GABRB2: variants seen among roughly 807,000 people sequenced by gnomAD.
GABRB2 encodes gamma-aminobutyric acid type A receptor subunit beta2.
In GABRB2, 16 loss-of-function variants were observed where a neutral mutation model predicts 54.7. The ratio of observed to expected loss-of-function variants is 0.29; its 90% CI spans 0.20 to 0.44. GABRB2 has a LOEUF of 0.44. Among genes scored for constraint, GABRB2 ranks in the 20% least tolerant of loss-of-function variants. GABRB2 has a pLI of 1.00. For missense variants in GABRB2, 355 were observed against 644.0 expected, an observed-to-expected ratio of 0.55 and a Z score of 4.86; for synonymous variants, 244 against 233.8, an observed-to-expected ratio of 1.04 and a Z score of -0.40.
chr5:161,530,458 G>A (rs1760419742), intron 3 of GABRB2, among the ~76,000 whole-genome samples: 1 of 151,980 alleles, frequency 6.6e-6, no homozygotes, highest in Non-Finnish European at 1.5e-5. Flanking sequence ...TGGTCTCTTA[G>A]GAAATGTACA....
chr5:161,352,464 A>T (rs1179743470), intron 5 of GABRB2, among the ~76,000 whole-genome samples: 1 of 152,032 alleles, frequency 6.6e-6, no homozygotes, highest in Non-Finnish European at 1.5e-5. Flanking sequence ...ACAGAAAGAC[A>T]AATATTGCAT....
At chr5:161,518,055 G>A (rs1372141038) in intron 3 of GABRB2, among the ~76,000 whole-genome samples, 6 of 152,062 alleles carry the variant, frequency 3.9e-5, no homozygotes, top group African/African-American at 7.2e-5. Flanking sequence ...TGATCGGCCC[G>A]CCCCAGCCTC....
In GABRB2 at chr5:161,515,611, C is replaced by T. The variant is rs375762933; in HGVS notation, c.237+29616G>A. ...CACTGAATTTTAATTACCATGCAAA[C>T]GTATTATCTAAGCTTGTTAGAGTTA... On this transcript the variant is annotated intron_variant, in intron 3 of 9. Transcript: ENST00000393959. Among the ~76,000 whole-genome samples the T allele has an allele frequency of 1.5e-3, 228 of 152,088 alleles. 5 individuals are homozygous for T. In the South Asian group the frequency reaches 0.039, roughly 26 times the overall value.
chr5:161,386,321 T>A, intron 5 of GABRB2, among the ~76,000 whole-genome samples: 1 of 152,072 alleles, frequency 6.6e-6, no homozygotes, highest in Non-Finnish European at 1.5e-5. Context: ...ATCTCCACAG[T>A]AAAGACAGTC....
chr5:161,537,450 A>G (rs1214345192), intron 3 of GABRB2, among the ~76,000 whole-genome samples: 1 of 152,056 alleles, frequency 6.6e-6, no homozygotes, highest in Non-Finnish European at 1.5e-5. Flanking sequence ...ATCTGCCCAC[A>G]TGCCTCATCC....
At chr5:161,529,838 C>T (rs1045537420) in intron 3 of GABRB2, among the ~76,000 whole-genome samples, 4 of 151,864 alleles carry the variant, frequency 2.6e-5, no homozygotes, top group East Asian at 1.9e-4. Flanking sequence ...ATTTGTATTC[C>T]GTATTATTTA....
chr5:161,520,108 A>C (rs1006755621), intron 3 of GABRB2, among the ~76,000 whole-genome samples: 2 of 152,142 alleles, frequency 1.3e-5, no homozygotes, highest in African/African-American at 4.8e-5. Context: ...TAAGGACATT[A>C]AAGATAGGAG....
intron 3 of GABRB2, among the ~76,000 whole-genome samples, chr5:161,491,129 CTG>C (rs1317327982): frequency 1.3e-5 from 2 of 151,742 alleles, no homozygotes; most frequent in East Asian, 3.9e-4. Context: ...AATGACATAA[CTG>C]TGGGTCTTGT....
chr5:161,463,915 T>C (rs1361345790), intron 3 of GABRB2, among the ~76,000 whole-genome samples: 2 of 151,848 alleles, frequency 1.3e-5, no homozygotes, highest in Admixed American at 1.3e-4. Context: ...ATTAAAAAAT[T>C]TGACCCATAC....
intron 3 of GABRB2, among the ~76,000 whole-genome samples, chr5:161,464,800 G>A (rs1254699308): frequency 6.6e-6 from 1 of 152,026 alleles, no homozygotes; most frequent in African/African-American, 2.4e-5. Context: ...GATTCAAAAG[G>A]ATACATATTG....
At chr5:161,379,640 G>C (rs1755408775) in intron 5 of GABRB2, among the ~76,000 whole-genome samples, 1 of 152,060 alleles carries the variant, frequency 6.6e-6, no homozygotes, top group East Asian at 1.9e-4. Context: ...TCTGGCTATA[G>C]AAGCAGACAT....
At chr5:161,394,090 G>A (rs1755921739) in intron 5 of GABRB2, among the ~76,000 whole-genome samples, 1 of 151,836 alleles carries the variant, frequency 6.6e-6, no homozygotes, top group African/African-American at 2.4e-5. Context: ...CTACTAACTG[G>A]AAGTAAAACA....
Position 161,521,988 on chromosome 5 carries a change from T to C in GABRB2, c.237+23239A>G, listed in dbSNP as rs556442699. Among the ~76,000 whole-genome samples, 41 of 152,036 alleles carry C rather than the reference T, an allele frequency of 2.7e-4. No individual in the cohort carries two copies. The South Asian group carries it at 8.1e-3, about 30-fold the overall frequency. On this transcript the variant is annotated intron_variant, in intron 3 of 9. Transcript: ENST00000393959. ...GATTGAGTTGCCTTTCTAGCATTACTAAGCTGCACAACCAGTTCCTTAATT... is the reference window on the plus strand; with the variant it reads ...GATTGAGTTGCCTTTCTAGCATTACCAAGCTGCACAACCAGTTCCTTAATT...
intron 5 of GABRB2, among the ~76,000 whole-genome samples, chr5:161,409,913 A>C (rs1263524754): frequency 6.6e-6 from 1 of 152,166 alleles, no homozygotes; most frequent in Non-Finnish European, 1.5e-5. Flanking sequence ...AAATACAAGT[A>C]TGCAATCAGT....
chr5:161,409,519 A>G lies in GABRB2; in HGVS notation c.541+1456T>C, dbSNP rs989089452. On this transcript the variant is annotated intron_variant, in intron 5 of 9. Coordinates refer to ENST00000393959, the MANE Select transcript of GABRB2 (RefSeq NM_001371727.1). ...GGAAGGCTCAAATGAAATAATATCC[A>G]TGAAAGTCCTTCACCTACCTACAAC... is the stretch of plus-strand genomic sequence containing the variant. Among the ~76,000 whole-genome samples, 10 of 152,100 alleles carry G rather than the reference A, an allele frequency of 6.6e-5. No homozygotes were observed. In the East Asian group the frequency reaches 1.9e-3, roughly 29 times the overall value.
chr5:161,416,865 G>A (rs1048007723), intron 4 of GABRB2, among the ~76,000 whole-genome samples: 5 of 151,728 alleles, frequency 3.3e-5, no homozygotes, highest in Admixed American at 6.6e-5. Context: ...CAGCATTAGT[G>A]GGCATCAGTT....
chr5:161,385,548 C>T (rs1274801932), intron 5 of GABRB2, among the ~76,000 whole-genome samples: 1 of 152,108 alleles, frequency 6.6e-6, no homozygotes, highest in Non-Finnish European at 1.5e-5. Context: ...AGAAATTGCC[C>T]TTAGCTTGTT....
intron 9 of GABRB2, among the ~76,000 whole-genome samples, chr5:161,295,651 A>C (rs1478472685): frequency 6.6e-6 from 1 of 152,230 alleles, no homozygotes; most frequent in Non-Finnish European, 1.5e-5. Flanking sequence ...AAAGAATGTC[A>C]TTAAGATTAT....
intron 3 of GABRB2, among the ~76,000 whole-genome samples, chr5:161,487,254 A>G (rs904201105): frequency 1.3e-4 from 20 of 152,006 alleles, no homozygotes; most frequent in African/African-American, 4.8e-4. Context: ...TAGCACTTTC[A>G]TTGATATATA....
Sources: gnomAD v4.1 joint callset for allele counts (sites outside exome capture counted in the v4.1 genomes callset) on GRCh38, gnomAD v4.1.1 for gene constraint, MANE v1.5 for transcripts, NCBI Gene and HGNC (gene_info 2026-07-23, HGNC 2026-07-21) for gene names.